The following SCCPDH variants were observed in gnomAD, a reference collection of about 807,000 sequenced individuals.
SCCPDH encodes saccharopine dehydrogenase-like oxidoreductase.
Under a neutral mutation model 51.5 loss-of-function variants are expected in SCCPDH, and 34 were observed. That is an observed-to-expected ratio of 0.66 (90% CI 0.50 to 0.88). The LOEUF (loss-of-function observed/expected upper bound fraction) is 0.88, where lower values mean the gene tolerates loss of function less well. SCCPDH is among the 40% of genes least tolerant of loss of function. SCCPDH has a pLI of 0.00. For synonymous variants in SCCPDH, 187 were observed against 191.3 expected (o/e 0.98, Z 0.19); for missense variants, 464 against 527.1 (o/e 0.88, Z 1.17).
chr1:246,748,825 G>A (rs1668808764), intron 5 of SCCPDH, among the ~76,000 whole-genome samples: 1 of 152,092 alleles, frequency 6.6e-6, no homozygotes, highest in Non-Finnish European at 1.5e-5. Flanking sequence ...ATGGCCAACT[G>A]GACTAGAGCA....
chr1:246,729,493 A>G (rs1411495844), intron 2 of SCCPDH, among the ~76,000 whole-genome samples: 1 of 152,234 alleles, frequency 6.6e-6, no homozygotes, highest in Non-Finnish European at 1.5e-5. Flanking sequence ...GCTTTCTGCA[A>G]GAAGAGAAAT....
chr1:246,757,101 T>C (rs963321579), intron 5 of SCCPDH, among the ~76,000 whole-genome samples: 3 of 152,152 alleles, frequency 2.0e-5, no homozygotes, highest in Non-Finnish European at 4.4e-5. Context: ...CCCAGCACTT[T>C]GGGAGGCCAA....
intron 5 of SCCPDH, among the ~76,000 whole-genome samples, chr1:246,757,204 C>T (rs546290918): frequency 2.0e-5 from 3 of 152,062 alleles, no homozygotes; most frequent in South Asian, 4.2e-4. Context: ...ATTAGCCAGG[C>T]ATGGTGGTGG....
Position 246,766,225 on chromosome 1 carries a change from T to G in SCCPDH, c.1184+86T>G, listed in dbSNP as rs978812591. On this transcript the variant is annotated intron_variant, in intron 11 of 11. Coordinates refer to ENST00000366510, the MANE Select transcript of SCCPDH (RefSeq NM_016002.3). Reference sequence around the variant, plus strand: ...TTTGATTTGATTTTCAGGCTTTGGGTTTGCATGTAAGCATTTATAGTTCAG... The same window carrying G: ...TTTGATTTGATTTTCAGGCTTTGGGGTTGCATGTAAGCATTTATAGTTCAG... 23 of 965,018 alleles carry G rather than the reference T, an allele frequency of 2.4e-5. No individual in the cohort carries two copies. In the African/African-American group the frequency reaches 3.6e-4, roughly 15 times the overall value. The allele number at this position is 965,018 out of a possible 1,614,324, so 59.8% of individuals were successfully genotyped here. A position where few individuals can be genotyped will look rare whatever the true frequency, so the allele number is the denominator to read the frequency against.
At chr1:246,763,667 A>G (rs922422492) in intron 9 of SCCPDH, among the ~76,000 whole-genome samples, 2 of 151,680 alleles carry the variant, frequency 1.3e-5, no homozygotes, top group African/African-American at 4.8e-5. Flanking sequence ...CTTTCCTCCT[A>G]CTAAACTGTA....
intron 5 of SCCPDH, among the ~76,000 whole-genome samples, chr1:246,748,416 GTGT>G (rs1395082914): frequency 6.6e-6 from 1 of 152,230 alleles, no homozygotes; most frequent in Non-Finnish European, 1.5e-5. Context: ...AGTGGGGGTA[GTGT>G]TGTTTGGGAT....
At chr1:246,728,656 T>G (rs1039267924) in intron 2 of SCCPDH, among the ~76,000 whole-genome samples, 2 of 152,210 alleles carry the variant, frequency 1.3e-5, no homozygotes, top group African/African-American at 4.8e-5. Flanking sequence ...CGTCTCTCTT[T>G]CCTTGTTCTT....
At chr1:246,751,890 AG>A (rs1445842026) in intron 5 of SCCPDH, among the ~76,000 whole-genome samples, 3 of 149,708 alleles carry the variant, frequency 2.0e-5, no homozygotes, top group Non-Finnish European at 4.4e-5. Flanking sequence ...CTCCTGCCTC[AG>A]CCTCCTGAGT....
rs76587444 is a variant in SCCPDH at position 246,743,997 on chromosome 1, C to T, written c.515-79C>T. 3.7e-4 allele frequency: 293 copies of T among 795,610 alleles called. 3 individuals are homozygous for T. The East Asian group carries it at 6.9e-3, about 19-fold the overall frequency. 49.3% of individuals were successfully genotyped at this position (795,610 alleles called of 1,614,324 possible). A position where few individuals can be genotyped will look rare whatever the true frequency, so the allele number is the denominator to read the frequency against. On this transcript the variant is annotated intron_variant, in intron 4 of 11. Coordinates refer to ENST00000366510, the MANE Select transcript of SCCPDH (RefSeq NM_016002.3). ...AGAAAAGCTAGTCCCTAAGTGAATA[C>T]GCATTGTTTATTATTACTTACCCCA...
intron 4 of SCCPDH, among the ~76,000 whole-genome samples, chr1:246,741,069 G>A (rs933795183): frequency 2.1e-4 from 32 of 152,042 alleles, no homozygotes; most frequent in Non-Finnish European, 4.4e-4. Context: ...GGGTTACAGA[G>A]TGAGACCTTG....
intron 2 of SCCPDH, among the ~76,000 whole-genome samples, chr1:246,734,247 A>T (rs1028592400): frequency 6.6e-6 from 1 of 152,182 alleles, no homozygotes; most frequent in African/African-American, 2.4e-5. Flanking sequence ...TTTAAAATGG[A>T]TGTGTGCAAA....
At chr1:246,748,837 A>G (rs1325142293) in intron 5 of SCCPDH, among the ~76,000 whole-genome samples, 1 of 152,176 alleles carries the variant, frequency 6.6e-6, no homozygotes, top group Non-Finnish European at 1.5e-5. Flanking sequence ...ACTAGAGCAC[A>G]AGTGCTGCTC....
chr1:246,741,340 T>C (rs1014811778), intron 4 of SCCPDH, among the ~76,000 whole-genome samples: 2 of 152,180 alleles, frequency 1.3e-5, no homozygotes, highest in African/African-American at 4.8e-5. Flanking sequence ...TTAAAAAGTT[T>C]TTTAAGAGAC....
intron 4 of SCCPDH, among the ~76,000 whole-genome samples, chr1:246,743,872 T>G: frequency 6.6e-6 from 1 of 152,210 alleles, no homozygotes; most frequent in East Asian, 1.9e-4. Context: ...TAGACTACTC[T>G]TTCTGATGGT....
chr1:246,756,555 T>C (rs976319270), intron 5 of SCCPDH, among the ~76,000 whole-genome samples: 4 of 152,198 alleles, frequency 2.6e-5, no homozygotes, highest in Non-Finnish European at 5.9e-5. Flanking sequence ...TATAAGAAAA[T>C]ATGTTTAGAT....
At chr1:246,754,902 T>C (rs1463130380) in intron 5 of SCCPDH, among the ~76,000 whole-genome samples, 2 of 152,236 alleles carry the variant, frequency 1.3e-5, no homozygotes, top group African/African-American at 4.8e-5. Flanking sequence ...AACTTTTAGT[T>C]TTGTTGATTT....
rs1572308617 is a variant in SCCPDH at position 246,763,254 on chromosome 1, A to G, written c.991-992A>G. Among the ~76,000 whole-genome samples the G allele has an allele frequency of 3.3e-5, 5 of 152,244 alleles. No individual in the cohort carries two copies. In the South Asian group the frequency reaches 1.0e-3, roughly 32 times the overall value. On this transcript the variant is annotated intron_variant, in intron 9 of 11. Transcript: ENST00000366510. ...GCACATAGGATTCATTTTTCATCCAACTTTGATTAATTGATAGTAGCCACC... is the reference window on the plus strand; with the variant it reads ...GCACATAGGATTCATTTTTCATCCAGCTTTGATTAATTGATAGTAGCCACC...
chr1:246,760,289 C>T (rs1174956299), intron 9 of SCCPDH, 62 bp downstream of exon 9: 27 of 1,368,260 alleles, frequency 2.0e-5, no homozygotes, highest in Non-Finnish European at 2.8e-5. Context: ...ACGGTATCAT[C>T]TAACACTTGA....
Position 246,736,028 on chromosome 1 carries a change from T to C in SCCPDH, c.357T>C (p.Ser119=). ...AAGCATGTATTGAAAATGGAGCCAGTTGTATCGACATCAGTGGAGAACCTC... is the reference window on the plus strand; with the variant it reads ...AAGCATGTATTGAAAATGGAGCCAGCTGTATCGACATCAGTGGAGAACCTC... The part of the protein sequence containing the change: ...VIKACIENGA[S]CIDISGEPQF... The change falls in exon 3 of 12, where the codon AGT becomes AGC. Residue 119 remains serine (S), a synonymous_variant. Transcript: ENST00000366510. 1.2e-6 allele frequency: 2 copies of C among 1,612,580 alleles called. No individual in the cohort carries two copies. The highest frequency in any genetic ancestry group is 1.7e-6 in the Non-Finnish European group (2 of 1,178,750).
Sources: gnomAD v4.1 joint callset for allele counts (sites outside exome capture counted in the v4.1 genomes callset) on GRCh38, gnomAD v4.1.1 for gene constraint, MANE v1.5 for transcripts, NCBI Gene and HGNC (gene_info 2026-07-23, HGNC 2026-07-21) for gene names.